Variants in SMG7 observed in about 807,000 individuals in gnomAD.
SMG7 encodes the protein SMG7 nonsense mediated mRNA decay factor.
Under a neutral mutation model 148.2 loss-of-function variants are expected in SMG7, and 34 were observed. The observed-to-expected ratio is 0.23, with a 90% CI of 0.17 to 0.31. The LOEUF (loss-of-function observed/expected upper bound fraction) is 0.31, where lower values mean the gene tolerates loss of function less well. Among genes scored for constraint, SMG7 ranks in the 10% least tolerant of loss-of-function variants. The probability of loss-of-function intolerance (pLI) is 1.00; values close to 1 mark genes in which losing one functional copy is unlikely to be tolerated. For synonymous variants in SMG7, 492 were observed against 515.1 expected (o/e 0.96, Z 0.61); for missense variants, 1,114 against 1,408.4 (o/e 0.79, Z 3.35).
chr1:183,477,398 TTGTGTGTGTGTGTG>T (rs143157038), intron 1 of SMG7, among the ~76,000 whole-genome samples: 1 of 132,962 alleles, frequency 7.5e-6, no homozygotes, highest in Non-Finnish European at 1.7e-5. Context: ...CTGTTTTGTT[TTGTGTGTGTGTGTG>T]TGTGTGTATG....
rs114855543 is a variant in SMG7, at chr1:183,479,981, T to C, written c.29+7332T>C. 8.8e-3 allele frequency among the ~76,000 whole-genome samples: 1,346 copies of C among 152,302 alleles called. 14 individuals carry two copies. The highest frequency in any genetic ancestry group is 0.031 in the African/African-American group (1,276 of 41,556). On this transcript the variant is annotated intron_variant, in intron 1 of 22. Coordinates refer to ENST00000688051, the MANE Select transcript of SMG7 (RefSeq NM_001375584.1). Reference sequence around the variant, plus strand: ...CACTCACTTAATACATTGCATTAATTAGTATGCTGACCACATCTAAGTTTT... The same window carrying C: ...CACTCACTTAATACATTGCATTAATCAGTATGCTGACCACATCTAAGTTTT...
chr1:183,551,734 C>G (rs547016471), intron 22 of SMG7, 84 bp from the exon 23 acceptor site: 1 of 1,085,218 alleles, frequency 9.2e-7, no homozygotes, highest in Middle Eastern at 2.1e-4. Flanking sequence ...ATATATATGC[C>G]TTTATATTTG....
At chr1:183,540,552 C>T (rs1426453249) in intron 12 of SMG7, among the ~76,000 whole-genome samples, 2 of 151,782 alleles carry the variant, frequency 1.3e-5, no homozygotes, top group South Asian at 4.1e-4. Context: ...TAGAATGGTC[C>T]ACCACAAAGT....
At chr1:183,474,243 C>A (rs1651516608) in intron 1 of SMG7, among the ~76,000 whole-genome samples, 1 of 152,200 alleles carries the variant, frequency 6.6e-6, no homozygotes, top group South Asian at 2.1e-4. Context: ...GTAAATTAAA[C>A]AGCACAGAGT....
At chr1:183,532,077 A>G (rs917720287) in intron 8 of SMG7, among the ~76,000 whole-genome samples, 2 of 152,206 alleles carry the variant, frequency 1.3e-5, no homozygotes, top group East Asian at 1.9e-4. Context: ...CTCTAATGAT[A>G]ATGTAAAAGA....
chr1:183,502,238 C>G (rs1336460435), intron 1 of SMG7: 7 of 1,435,434 alleles, frequency 4.9e-6, no homozygotes, highest in Non-Finnish European at 5.5e-6. Context: ...TATTTTCCTC[C>G]TCTCCTCTAT....
chr1:183,540,283 T>G (rs752694777), intron 12 of SMG7, among the ~76,000 whole-genome samples: 10 of 152,190 alleles, frequency 6.6e-5, no homozygotes, highest in Non-Finnish European at 1.3e-4. Flanking sequence ...TTTTACTATA[T>G]TCACTTAATT....
intron 2 of SMG7, chr1:183,513,396 G>C (rs1385743373): frequency 7.4e-6 from 1 of 134,384 alleles, no homozygotes; most frequent in Non-Finnish European, 1.5e-5. Context: ...TTTTGAGATG[G>C]AGTCTCACTC....
At position 183,515,851 on chromosome 1, in the gene SMG7, ATGTTTT is replaced by A; in HGVS notation, c.62-12_62-7del. 6.8e-7 allele frequency: 1 copy of A among 1,467,934 alleles called. No individual in the cohort carries two copies. The highest frequency in any genetic ancestry group is 9.5e-7 in the Non-Finnish European group (1 of 1,047,794). 90.9% of individuals were successfully genotyped at this position (1,467,934 alleles called of 1,614,324 possible). Reference sequence around the variant, plus strand: ...TGCTGGGGTTTATCTATCTACCGTTATGTTTTTGTTTTTGTTACTCAGATTCTAAGC... The same window carrying A: ...TGCTGGGGTTTATCTATCTACCGTTATGTTTTTGTTACTCAGATTCTAAGC... On this transcript the variant is annotated splice_polypyrimidine_tract_variant and intron_variant, in intron 2 of 22. Coordinates refer to ENST00000688051, the MANE Select transcript of SMG7 (RefSeq NM_001375584.1).
intron 1 of SMG7, among the ~76,000 whole-genome samples, chr1:183,490,423 A>T (rs1038846259): frequency 1.3e-5 from 2 of 152,152 alleles, no homozygotes; most frequent in Non-Finnish European, 2.9e-5. Flanking sequence ...ACCTGTGGAC[A>T]TTTTCTATGC....
intron 13 of SMG7, 107 bp downstream of exon 13, chr1:183,541,210 G>A (rs1668784600): frequency 9.9e-7 from 1 of 1,009,548 alleles, no homozygotes; most frequent in African/African-American, 1.6e-5. Flanking sequence ...ACGTATTTTA[G>A]GCTTTGGTAT....
At chr1:183,526,973 T>G (rs1665996383) in intron 5 of SMG7, among the ~76,000 whole-genome samples, 1 of 152,238 alleles carries the variant, frequency 6.6e-6, no homozygotes, top group African/African-American at 2.4e-5. Context: ...AACTTTCATA[T>G]TAAGATTTAA....
At chr1:183,535,579 CTG>C (rs1310772427) in intron 10 of SMG7, among the ~76,000 whole-genome samples, 2 of 152,100 alleles carry the variant, frequency 1.3e-5, no homozygotes, top group Non-Finnish European at 2.9e-5. Context: ...AAAACAATGA[CTG>C]TTTCTTTTGT....
intron 1 of SMG7, among the ~76,000 whole-genome samples, chr1:183,484,153 G>T (rs1023288691): frequency 4.6e-5 from 7 of 152,044 alleles, no homozygotes; most frequent in African/African-American, 1.2e-4. Flanking sequence ...ATAGCCGTGG[G>T]AGATTGGTTC....
chr1:183,533,068 T>C, intron 8 of SMG7, 96 bp from the exon 9 acceptor site: 1 of 967,400 alleles, frequency 1.0e-6, no homozygotes, highest in Non-Finnish European at 1.6e-6. Flanking sequence ...CTATTACACA[T>C]GGTGGTTCTA....
At chr1:183,545,523 A>T (rs1450169436) in intron 16 of SMG7, among the ~76,000 whole-genome samples, 2 of 152,186 alleles carry the variant, frequency 1.3e-5, no homozygotes, top group Admixed American at 1.3e-4. Flanking sequence ...CTTAAGTACC[A>T]TTCTTGGCTG....
At chr1:183,549,061 A>C in intron 18 of SMG7, 147 bp from the exon 19 acceptor site, 1 of 626,990 alleles carries the variant, frequency 1.6e-6, no homozygotes, top group Admixed American at 2.8e-5. Flanking sequence ...TGGTGTTAAC[A>C]GATTTGAATT....
intron 2 of SMG7, among the ~76,000 whole-genome samples, chr1:183,514,906 G>T (rs1663123998): frequency 6.6e-6 from 1 of 152,166 alleles, no homozygotes. Context: ...GGATTGTGGT[G>T]GCTATAGATG....
In SMG7 at chr1:183,545,128, T is replaced by C. The variant is rs768529954; in HGVS notation, c.2186T>C (p.Met729Thr). Reference protein sequence around the residue: ...SQQRPSGPGPMNQGPQQSQPP... With the variant: ...SQQRPSGPGPTNQGPQQSQPP... ...CAACGGCCCTCTGGACCAGGGCCAA[T>C]GAACCAGGGACCTCAACAATCACAG... Residue 729 changes from methionine to threonine, a missense_variant, in exon 16 of 23, where the codon ATG becomes ACG. By Grantham distance (81) the Met-to-Thr change is moderately conservative. Transcript: ENST00000688051. 1 of 1,614,070 alleles carries C rather than the reference T, an allele frequency of 6.2e-7. No homozygotes were observed. Among genetic ancestry groups the C allele is most frequent in the East Asian group, 2.2e-5 (1 of 44,854 alleles).
Sources: allele counts gnomAD v4.1 joint callset (sites outside exome capture counted in the v4.1 genomes callset), GRCh38; gene constraint gnomAD v4.1.1; transcripts MANE v1.5; gene names NCBI Gene and HGNC (gene_info 2026-07-23, HGNC 2026-07-21).